ZBBX: variants seen among roughly 807,000 people sequenced by gnomAD.
ZBBX encodes zinc finger B-box domain containing.
Under a neutral mutation model 108.5 loss-of-function variants are expected in ZBBX, and 101 were observed. The observed-to-expected ratio is 0.93, with a 90% CI of 0.79 to 1.10. The LOEUF (loss-of-function observed/expected upper bound fraction) is 1.10. Among genes scored for constraint, ZBBX ranks in the 50% least tolerant of loss-of-function variants. ZBBX has a pLI of 0.00. For missense variants in ZBBX, 1,009 were observed against 941.4 expected (o/e 1.07, Z -0.94); for synonymous variants, 356 against 323.4 (o/e 1.10, Z -1.08).
chr3:167,378,384 T>C (rs1199036033), intron 2 of ZBBX, among the ~76,000 whole-genome samples: 1 of 152,172 alleles, frequency 6.6e-6, no homozygotes, highest in Non-Finnish European at 1.5e-5. Context: ...TACTTTTGAT[T>C]AAAAATAATA....
intron 19 of ZBBX, among the ~76,000 whole-genome samples, chr3:167,288,104 A>C (rs1730031226): frequency 6.6e-6 from 1 of 152,098 alleles, no homozygotes; most frequent in Non-Finnish European, 1.5e-5. Context: ...GGCCAATCCA[A>C]GTGCTAATAT....
intron 16 of ZBBX, among the ~76,000 whole-genome samples, chr3:167,312,948 T>C (rs1307657169): frequency 6.6e-6 from 1 of 152,210 alleles, no homozygotes; most frequent in African/African-American, 2.4e-5. Context: ...AATCTTCACA[T>C]ACGATATATT....
Position 167,403,246 on chromosome 3 carries a change from G to A in ZBBX, c.-446+4480C>T, listed in dbSNP as rs192188690. Among the ~76,000 whole-genome samples the A allele has an allele frequency of 5.8e-4, 88 of 152,160 alleles. No homozygotes were observed. In the East Asian group the frequency reaches 0.012, roughly 20 times the overall value. ...GGAGTAACAATCTCATTAACCCAAC[G>A]CATTGACATTTTAAAGTGCTAAAAG... is the stretch of plus-strand genomic sequence containing the variant. On this transcript the variant is annotated intron_variant, in intron 1 of 21. Transcript: ENST00000455345.
Position 167,360,668 on chromosome 3 carries a change from T to C in ZBBX, c.322+7A>G, listed in dbSNP as rs1744359557. 7.3e-7 allele frequency: 1 copy of C among 1,360,684 alleles called. No homozygotes were observed. The highest frequency in any genetic ancestry group is 9.6e-7 in the Non-Finnish European group (1 of 1,037,632). The allele number at this position is 1,360,684 out of a possible 1,614,324, so 84.3% of individuals were successfully genotyped here. On this transcript the variant is annotated splice_region_variant and intron_variant, in intron 7 of 21. Coordinates refer to ENST00000675490, the MANE Select transcript of ZBBX (RefSeq NM_001199201.2). Reference sequence around the variant, plus strand: ...AGCATTTATTAACATGGTGATAAATTATTTACCTTGAATCTGTTCCTTCAG... The same window carrying C: ...AGCATTTATTAACATGGTGATAAATCATTTACCTTGAATCTGTTCCTTCAG...
intron 20 of ZBBX, among the ~76,000 whole-genome samples, chr3:167,250,122 C>T (rs1335019330): frequency 2.0e-5 from 3 of 152,082 alleles, no homozygotes; most frequent in African/African-American, 7.2e-5. Context: ...CCAGGTAGCT[C>T]CTGACATCAG....
At chr3:167,356,869 C>T (rs1743664099) in intron 8 of ZBBX, among the ~76,000 whole-genome samples, 1 of 152,084 alleles carries the variant, frequency 6.6e-6, no homozygotes, top group African/African-American at 2.4e-5. Flanking sequence ...GAGAGTGCAA[C>T]TCAGCTTTTA....
chr3:167,237,435 G>T (rs1410735669), downstream of ZBBX, among the ~76,000 whole-genome samples: 2 of 151,808 alleles, frequency 1.3e-5, no homozygotes, highest in Non-Finnish European at 2.9e-5. Context: ...ATCCAATAGT[G>T]GTTAAAGGCG....
At chr3:167,356,179 T>C (rs149873263) in intron 8 of ZBBX, among the ~76,000 whole-genome samples, 3 of 152,116 alleles carry the variant, frequency 2.0e-5, no homozygotes, top group African/African-American at 4.8e-5. Flanking sequence ...TGTAAGTGCC[T>C]TTTAGCTTTC....
chr3:167,377,642 A>G (rs904299089), intron 2 of ZBBX, among the ~76,000 whole-genome samples: 3 of 151,756 alleles, frequency 2.0e-5, no homozygotes, highest in African/African-American at 7.3e-5. Context: ...TACTTTTCAC[A>G]TTTCTTCTAT....
the ZBBX span, among the ~76,000 whole-genome samples, chr3:167,180,517 A>G: frequency 2.0e-5 from 3 of 152,240 alleles, no homozygotes; most frequent in African/African-American, 4.8e-5. Context: ...CAAATTTTGC[A>G]AGTGATCATA....
the ZBBX span, among the ~76,000 whole-genome samples, chr3:167,186,348 A>G: frequency 6.6e-6 from 1 of 152,074 alleles, no homozygotes; most frequent in Non-Finnish European, 1.5e-5. Context: ...AGCAGCTAAC[A>G]TACTGGCTGC....
chr3:167,322,474 G>A (rs1341930030), intron 11 of ZBBX, among the ~76,000 whole-genome samples: 1 of 151,946 alleles, frequency 6.6e-6, no homozygotes, highest in Non-Finnish European at 1.5e-5. Flanking sequence ...TTATGATTCA[G>A]AAGGTTTGTT....
At chr3:167,268,092 C>G (rs1328327284) in intron 20 of ZBBX, among the ~76,000 whole-genome samples, 1 of 152,100 alleles carries the variant, frequency 6.6e-6, no homozygotes, top group African/African-American at 2.4e-5. Context: ...TCATTTCCCT[C>G]CACATCTATG....
Position 167,305,890 on chromosome 3 carries a change from A to G in ZBBX, c.1478T>C (p.Ile493Thr), listed in dbSNP as rs777049290. Residue 493 changes from isoleucine to threonine, a missense_variant, in exon 17 of 22, where the codon ATT (isoleucine) becomes ACT (threonine). Coordinates refer to ENST00000675490, the MANE Select transcript of ZBBX (RefSeq NM_001199201.2). ...GGAGGTGCTTTCCTCAATTTTTTCA[A>G]TGTCAGAAGAATACACATCAGGATC... ...IVDPDVYSSD[I>T]EKIEESTSFE... The G allele has an allele frequency of 1.6e-5, 25 of 1,607,536 alleles. No individual in the cohort carries two copies. Among genetic ancestry groups the G allele is most frequent in the Middle Eastern group, 1.7e-4 (1 of 5,932 alleles).
intron 9 of ZBBX, among the ~76,000 whole-genome samples, chr3:167,340,076 G>A (rs1191868271): frequency 6.6e-6 from 1 of 151,994 alleles, no homozygotes; most frequent in East Asian, 1.9e-4. Flanking sequence ...CAAAACATTT[G>A]CTAAAGTTTA....
At chr3:167,214,797 A>T in the ZBBX span, among the ~76,000 whole-genome samples, 1 of 152,186 alleles carries the variant, frequency 6.6e-6, no homozygotes, top group Non-Finnish European at 1.5e-5. Context: ...ACAATCTCAG[A>T]CCAGTGCAAT....
At chr3:167,264,192 G>T (rs1345831572) in intron 20 of ZBBX, among the ~76,000 whole-genome samples, 1 of 147,968 alleles carries the variant, frequency 6.8e-6, no homozygotes, top group African/African-American at 2.5e-5. Flanking sequence ...GGAGAGTTTA[G>T]TTCATTTACA....
intron 20 of ZBBX, among the ~76,000 whole-genome samples, chr3:167,276,437 T>C (rs6794197): frequency 0.82 from 124,686 of 152,142 alleles, 51,481 homozygotes; most frequent in African/African-American, 0.93. Context: ...AAGAGAACTA[T>C]GTGAAGAATG....
chr3:167,384,623 G>T (rs1041711870), upstream of ZBBX, among the ~76,000 whole-genome samples: 1 of 152,018 alleles, frequency 6.6e-6, no homozygotes, highest in South Asian at 2.1e-4. Context: ...TGAAGGAAAA[G>T]TTTAAATTGT....
Sources: allele counts gnomAD v4.1 joint callset (sites outside exome capture counted in the v4.1 genomes callset), GRCh38; gene constraint gnomAD v4.1.1; transcripts MANE v1.5; gene names NCBI Gene and HGNC (gene_info 2026-07-23, HGNC 2026-07-21).